The following ZNF577 variants were observed in gnomAD, a reference collection of about 807,000 sequenced individuals.
ZNF577 encodes the protein zinc finger protein 577.
Under a neutral mutation model 13.9 loss-of-function variants are expected in ZNF577, and 14 were observed. That is an observed-to-expected ratio of 1.00 (90% CI 0.66 to 1.57). The LOEUF (loss-of-function observed/expected upper bound fraction) is 1.57. ZNF577 is among the 40% of genes most tolerant of loss of function. The pLI is 0.00. For missense variants in ZNF577, 555 were observed against 579.2 expected, an observed-to-expected ratio of 0.96 and a Z score of 0.43; for synonymous variants, 203 against 202.9, an observed-to-expected ratio of 1.00 and a Z score of 0.00.
intron 8 of ZNF577, among the ~76,000 whole-genome samples, chr19:51,841,901 A>T (rs1193457810): frequency 3.9e-5 from 6 of 152,240 alleles, no homozygotes; most frequent in Admixed American, 2.0e-4. Flanking sequence ...AACAAAAAAC[A>T]ATGAATTCTA....
chr19:51,834,859 T>C (rs1286479802), intron 9 of ZNF577, among the ~76,000 whole-genome samples: 1 of 152,138 alleles, frequency 6.6e-6, no homozygotes, highest in Non-Finnish European at 1.5e-5. Flanking sequence ...AATTTTTAAA[T>C]TTTTTTGTAG....
At chr19:51,812,661 G>A (rs564881480) in intron 9 of ZNF577, among the ~76,000 whole-genome samples, 1 of 152,224 alleles carries the variant, frequency 6.6e-6, no homozygotes, top group East Asian at 1.9e-4. Context: ...TTGCAGACAG[G>A]AGCTTAATGA....
chr19:51,860,723 C>T (rs1397601444), intron 5 of ZNF577: 1 of 243,852 alleles, frequency 4.1e-6, no homozygotes, highest in Non-Finnish European at 7.9e-6. Context: ...TTGGTATCTA[C>T]ATGAAGGCTT....
At chr19:51,815,288 G>A (rs1403869369) in intron 9 of ZNF577, among the ~76,000 whole-genome samples, 1 of 152,116 alleles carries the variant, frequency 6.6e-6, no homozygotes, top group Non-Finnish European at 1.5e-5. Flanking sequence ...TTGGCTGGGT[G>A]CAGTGGCTCA....
intron 9 of ZNF577, among the ~76,000 whole-genome samples, chr19:51,812,261 T>C (rs1568429655): frequency 6.6e-6 from 1 of 152,194 alleles, no homozygotes. Context: ...TGGCCTTCAA[T>C]AATTAAAATT....
Position 51,887,072 on chromosome 19 carries a change from G to A in ZNF577, c.-470C>T, listed in dbSNP as rs1320851504. On this transcript the variant is annotated 5_prime_UTR_variant, in exon 1 of 6. Coordinates refer to ENST00000638348, the MANE Select transcript of ZNF577 (RefSeq NM_001370449.1). ...GGGTCTTATGCAAAAAAAAAGTCAC[G>A]ATTTACAACAAAAAGTATTAACTAT... is the stretch of plus-strand genomic sequence containing the variant. 6.6e-6 allele frequency: 1 copy of A among 152,070 alleles called. No homozygotes were observed. Among genetic ancestry groups the A allele is most frequent in the Non-Finnish European group, 1.5e-5 (1 of 68,020 alleles). The allele number at this position is 152,070 out of a possible 1,614,324, so 9.4% of individuals were successfully genotyped here.
chr19:51,829,870 T>C (rs2084252938), intron 9 of ZNF577, among the ~76,000 whole-genome samples: 1 of 152,110 alleles, frequency 6.6e-6, no homozygotes, highest in Non-Finnish European at 1.5e-5. Flanking sequence ...TTGTCCCCAC[T>C]AGCCACTCAG....
At position 51,871,991 on chromosome 19, in the gene ZNF577, T is replaced by C. The variant is rs1002395259; in HGVS notation, c.*541A>G. 2 of 152,430 alleles carry C rather than the reference T, an allele frequency of 1.3e-5. No homozygotes were observed. The highest frequency in any genetic ancestry group is 2.9e-5 in the Non-Finnish European group (2 of 68,266). The allele number at this position is 152,430 out of a possible 1,614,324, so 9.4% of individuals were successfully genotyped here. A position where few individuals can be genotyped will look rare whatever the true frequency, so the allele number is the denominator to read the frequency against. On this transcript the variant is annotated 3_prime_UTR_variant, in exon 6 of 6. Coordinates refer to ENST00000638348, the MANE Select transcript of ZNF577 (RefSeq NM_001370449.1). ...GTTTGGTGCAACACTCATAAAAAAC[T>C]AACACAATTTTACTTCCATATTTGT...
chr19:51,826,761 T>C (rs928277511), intron 9 of ZNF577, among the ~76,000 whole-genome samples: 1 of 152,120 alleles, frequency 6.6e-6, no homozygotes, highest in Non-Finnish European at 1.5e-5. Flanking sequence ...AAAGATAGTT[T>C]GGTGGGCAGG....
At chr19:51,826,998 T>A (rs971309118) in intron 9 of ZNF577, among the ~76,000 whole-genome samples, 6 of 152,216 alleles carry the variant, frequency 3.9e-5, no homozygotes, top group Admixed American at 1.3e-4. Flanking sequence ...TAGAAGTGAT[T>A]GGGGAAGTCA....
chr19:51,878,449 A>G lies in ZNF577; in HGVS notation c.127T>C (p.Ser43Pro), dbSNP rs1256121948. Residue 43 changes from serine to proline, a missense_variant, in exon 4 of 6, where the codon TCT becomes CCT. By Grantham distance (74) the Ser-to-Pro change is moderately conservative (BLOSUM62 -1). Coordinates refer to ENST00000638348, the MANE Select transcript of ZNF577 (RefSeq NM_001370449.1). The stretch of plus-strand genomic sequence containing the variant: ...ACTTCCTTGTACAAGACCTTCTGAG[A>G]CTGGTCCAAAAACTGCCACTCCTCC... ...TREEWQFLDQ[S>P]QKVLYKEVML... The G allele has an allele frequency of 1.2e-6, 2 of 1,614,022 alleles. No individual in the cohort carries two copies. Among genetic ancestry groups the G allele is most frequent in the Non-Finnish European group, 1.7e-6 (2 of 1,180,026 alleles).
chr19:51,878,242 C>G, intron 4 of ZNF577, 147 bp downstream of exon 4: 1 of 844,692 alleles, frequency 1.2e-6, no homozygotes, highest in Non-Finnish European at 1.7e-6. Context: ...ATGGTTAAGA[C>G]GGTAAATTTT....
chr19:51,882,230 C>G (rs1016448935), intron 1 of ZNF577, among the ~76,000 whole-genome samples: 5 of 152,094 alleles, frequency 3.3e-5, no homozygotes, highest in African/African-American at 1.2e-4. Flanking sequence ...CAGGATCCAA[C>G]CATTCCCAGA....
intron 6 of ZNF577, among the ~76,000 whole-genome samples, chr19:51,844,388 C>T (rs923786324): frequency 4.6e-5 from 7 of 152,170 alleles, no homozygotes; most frequent in Non-Finnish European, 1.0e-4. Context: ...GACATTTCTT[C>T]ACACTGGATG....
At chr19:51,855,984 A>G (rs1440704029) in intron 5 of ZNF577, 1 of 152,218 alleles carries the variant, frequency 6.6e-6, no homozygotes, top group East Asian at 1.9e-4. Flanking sequence ...AAAGGGATAT[A>G]GAAGTAGGCC....
At chr19:51,847,118 T>A (rs1371864906) in intron 5 of ZNF577, among the ~76,000 whole-genome samples, 1 of 152,206 alleles carries the variant, frequency 6.6e-6, no homozygotes, top group Non-Finnish European at 1.5e-5. Flanking sequence ...TTCAAGTGTA[T>A]ACAAACACTC....
At position 51,887,423 on chromosome 19, in the gene ZNF577, T is replaced by C. The variant is rs554344224; in HGVS notation, c.-821A>G. On this transcript the variant is annotated 5_prime_UTR_variant, in exon 1 of 6. Coordinates refer to ENST00000638348, the MANE Select transcript of ZNF577 (RefSeq NM_001370449.1). ...ACCAGAGTTATTTTCTGGAGGAGTA[T>C]TTAAAATGATGGGGATGTTATTACT... The C allele has an allele frequency of 6.6e-6, 1 of 152,300 alleles. No homozygotes were observed. The highest frequency in any genetic ancestry group is 2.4e-5 in the African/African-American group (1 of 41,554). The allele number at this position is 152,300 out of a possible 1,614,324, so 9.4% of individuals were successfully genotyped here. A position where few individuals can be genotyped will look rare whatever the true frequency, so the allele number is the denominator to read the frequency against.
At chr19:51,881,566 T>C (rs1947409580) in intron 1 of ZNF577, among the ~76,000 whole-genome samples, 1 of 152,214 alleles carries the variant, frequency 6.6e-6, no homozygotes, top group Non-Finnish European at 1.5e-5. Flanking sequence ...ATTAGTAGCA[T>C]GGGAACTTGA....
At chr19:51,841,178 G>A (rs543137129) in intron 8 of ZNF577, among the ~76,000 whole-genome samples, 6 of 152,164 alleles carry the variant, frequency 3.9e-5, no homozygotes, top group East Asian at 1.9e-4. Flanking sequence ...CACTTTCCGC[G>A]GGAATCGCCT....
Sources: allele counts gnomAD v4.1 joint callset (sites outside exome capture counted in the v4.1 genomes callset), GRCh38; gene constraint gnomAD v4.1.1; transcripts MANE v1.5; gene names NCBI Gene and HGNC (gene_info 2026-07-23, HGNC 2026-07-21).